Variants in PLXNA4 observed in about 807,000 individuals in gnomAD.
The protein encoded by PLXNA4 is plexin A4.
Under a neutral mutation model 191.8 loss-of-function variants are expected in PLXNA4, and 44 were observed. The observed-to-expected ratio is 0.23, with a 90% CI of 0.18 to 0.29. PLXNA4 has a LOEUF of 0.29. PLXNA4 is among the 10% of genes least tolerant of loss of function. The pLI, the probability that PLXNA4 is intolerant of heterozygous loss-of-function variation, is 1.00. For missense variants in PLXNA4, 1,800 were observed against 2,488.8 expected (o/e 0.72, Z 5.89); for synonymous variants, 1,082 against 1,009.5 (o/e 1.07, Z -1.36).
At chr7:132,625,167 C>T (rs1263836793) in intron 2 of PLXNA4, among the ~76,000 whole-genome samples, 1 of 152,140 alleles carries the variant, frequency 6.6e-6, no homozygotes, top group Non-Finnish European at 1.5e-5. Flanking sequence ...AACCCTCCGA[C>T]GGGGTACAGA....
chr7:132,449,833 G>T (rs1256389072), intron 3 of PLXNA4, among the ~76,000 whole-genome samples: 1 of 152,236 alleles, frequency 6.6e-6, no homozygotes, highest in African/African-American at 2.4e-5. Flanking sequence ...ATCTGGCAAT[G>T]GGTGTTCGCC....
intron 4 of PLXNA4, among the ~76,000 whole-genome samples, chr7:132,258,117 C>A (rs1334463557): frequency 6.6e-6 from 1 of 152,268 alleles, no homozygotes; most frequent in African/African-American, 2.4e-5. Flanking sequence ...CTGGTCTGCC[C>A]TCATGTCGGG....
chr7:132,334,220 T>C (rs1018191464), intron 3 of PLXNA4, among the ~76,000 whole-genome samples: 3 of 151,212 alleles, frequency 2.0e-5, no homozygotes, highest in African/African-American at 7.3e-5. Flanking sequence ...CTTTATAAGA[T>C]TTCAGATTTC....
chr7:132,211,018 G>A lies in PLXNA4; in HGVS notation c.2223C>T (p.Leu741=), dbSNP rs758272975. 1 of 1,614,094 alleles carries A rather than the reference G, an allele frequency of 6.2e-7. No individual in the cohort carries two copies. Among genetic ancestry groups the A allele is most frequent in the Non-Finnish European group, 8.5e-7 (1 of 1,180,016 alleles). The stretch of plus-strand genomic sequence containing the variant: ...CTCGCTGCTCGCTGCCCTGAATGTT[G>A]AGGATGCATTCGTAGCCACGCTGCC... ...QSGQRGYECI[L]NIQGSEQRVP... is the part of the protein sequence containing the mutation. The change falls in exon 10 of 32, where the codon CTC becomes CTT. Residue 741 remains leucine (L), a synonymous_variant. Coordinates refer to ENST00000321063, the MANE Select transcript of PLXNA4 (RefSeq NM_020911.2).
At chr7:132,559,270 TG>T (rs906765941) in intron 1 of PLXNA4, among the ~76,000 whole-genome samples, 10 of 152,202 alleles carry the variant, frequency 6.6e-5, no homozygotes, top group Non-Finnish European at 1.0e-4. Flanking sequence ...GCCACCTCTA[TG>T]GGGTTTTTGA....
At chr7:132,339,097 G>T (rs1005088652) in intron 3 of PLXNA4, among the ~76,000 whole-genome samples, 1 of 152,182 alleles carries the variant, frequency 6.6e-6, no homozygotes, top group African/African-American at 2.4e-5. Flanking sequence ...TCCCCACAAG[G>T]TCTCTTCTGG....
chr7:132,150,433 G>A (rs1225330005), intron 25 of PLXNA4, among the ~76,000 whole-genome samples: 5 of 152,158 alleles, frequency 3.3e-5, no homozygotes, highest in Non-Finnish European at 7.3e-5. Flanking sequence ...GGGAGTATAC[G>A]GCAGTGAGCC....
intron 4 of PLXNA4, among the ~76,000 whole-genome samples, chr7:132,269,357 C>T (rs995369837): frequency 1.8e-4 from 28 of 152,050 alleles, no homozygotes; most frequent in Non-Finnish European, 3.5e-4. Context: ...CTATAGACCC[C>T]CTGCCTCCCC....
At chr7:132,148,737 G>A (rs1178310855) in intron 25 of PLXNA4, 91 bp from the exon 26 acceptor site, 3 of 1,562,958 alleles carry the variant, frequency 1.9e-6, no homozygotes, top group Non-Finnish European at 2.6e-6. Context: ...TGCAGTGCTA[G>A]CTCAAGGGTG....
At chr7:132,475,013 A>C (rs1002207547) in intron 3 of PLXNA4, among the ~76,000 whole-genome samples, 3 of 152,214 alleles carry the variant, frequency 2.0e-5, no homozygotes, top group Non-Finnish European at 2.9e-5. Flanking sequence ...GTGTGGATAA[A>C]GAATTTGTCC....
At chr7:132,439,357 A>G (rs1360293060) in intron 3 of PLXNA4, among the ~76,000 whole-genome samples, 1 of 152,170 alleles carries the variant, frequency 6.6e-6, no homozygotes, top group African/African-American at 2.4e-5. Flanking sequence ...GGCCAGCTAC[A>G]CTTTAGAATA....
Position 132,234,104 on chromosome 7 carries a change from G to A in PLXNA4, c.1605-5635C>T, listed in dbSNP as rs533682331. On this transcript the variant is annotated intron_variant, in intron 5 of 31. Transcript: ENST00000321063. ...GTGGAGGGAGGGAGAGGGAGGGAAC[G>A]GCAGGAGAAGGGAAAAAGGAGGAGG... 2.6e-5 allele frequency among the ~76,000 whole-genome samples: 4 copies of A among 152,222 alleles called. No homozygotes were observed. The South Asian group carries it at 8.3e-4, about 32-fold the overall frequency.
chr7:132,171,714 C>T (rs1796292759), intron 21 of PLXNA4, among the ~76,000 whole-genome samples: 1 of 152,148 alleles, frequency 6.6e-6, no homozygotes, highest in Non-Finnish European at 1.5e-5. Flanking sequence ...AGCAAAGCCA[C>T]CTACAGTGAA....
upstream of PLXNA4, among the ~76,000 whole-genome samples, chr7:132,580,242 T>C (rs923926151): frequency 3.9e-5 from 6 of 152,214 alleles, no homozygotes; most frequent in Admixed American, 2.0e-4. Context: ...GGCCTTCTGC[T>C]ATCTTGTCCC....
chr7:132,498,603 C>A (rs1798124782), intron 2 of PLXNA4, among the ~76,000 whole-genome samples: 1 of 152,130 alleles, frequency 6.6e-6, no homozygotes, highest in Non-Finnish European at 1.5e-5. Context: ...ATAGCCAAAC[C>A]ATGAGAGTAT....
chr7:132,197,453 T>A (rs1280232576), intron 13 of PLXNA4, among the ~76,000 whole-genome samples: 1 of 152,228 alleles, frequency 6.6e-6, no homozygotes. Context: ...ACTTTTGATA[T>A]CTGGCTATGT....
At chr7:132,196,153 A>G (rs948990335) in intron 13 of PLXNA4, among the ~76,000 whole-genome samples, 16 of 152,238 alleles carry the variant, frequency 1.1e-4, no homozygotes, top group Non-Finnish European at 2.2e-4. Context: ...TAAATGAAGA[A>G]ACTGAGACAA....
At chr7:132,648,034 C>G (rs1803915728) in intron 1 of PLXNA4, among the ~76,000 whole-genome samples, 1 of 151,972 alleles carries the variant, frequency 6.6e-6, no homozygotes, top group Non-Finnish European at 1.5e-5. Context: ...CACACACACA[C>G]AGTCATATAT....
At chr7:132,235,654 T>C (rs527496539) in intron 5 of PLXNA4, among the ~76,000 whole-genome samples, 1 of 152,124 alleles carries the variant, frequency 6.6e-6, no homozygotes. Context: ...TGATGACTTT[T>C]CTTAAGAAAG....
Sources: allele counts gnomAD v4.1 joint callset (sites outside exome capture counted in the v4.1 genomes callset), GRCh38; gene constraint gnomAD v4.1.1; transcripts MANE v1.5; gene names NCBI Gene and HGNC (gene_info 2026-07-23, HGNC 2026-07-21).